CDK17: variants seen among roughly 807,000 people sequenced by gnomAD.
CDK17 encodes the protein cyclin-dependent kinase 17.
A neutral mutation model predicts 77.6 loss-of-function variants in CDK17; 24 were observed. The observed-to-expected ratio is 0.31, with a 90% CI of 0.22 to 0.44. The LOEUF is 0.44. Among genes scored for constraint, CDK17 ranks in the 20% least tolerant of loss-of-function variants. The pLI is 1.00. For synonymous variants in CDK17, 203 were observed against 210.4 expected, an observed-to-expected ratio of 0.96 and a Z score of 0.30; for missense variants, 429 against 622.5, an observed-to-expected ratio of 0.69 and a Z score of 3.31.
intron 1 of CDK17, among the ~76,000 whole-genome samples, chr12:96,341,899 G>A (rs1329562853): frequency 1.3e-5 from 2 of 152,096 alleles, no homozygotes; most frequent in Non-Finnish European, 2.9e-5. Context: ...TTATTAGAGT[G>A]GCAATCCACT....
At chr12:96,280,934 A>AT (rs1565800776) in intron 15 of CDK17, 49 bp from the exon 16 acceptor site, 1 of 1,420,882 alleles carries the variant, frequency 7.0e-7, no homozygotes, top group East Asian at 2.3e-5. Flanking sequence ...ACATTAAAAC[A>AT]AACACAACCC....
intron 2 of CDK17, among the ~76,000 whole-genome samples, chr12:96,329,275 T>C (rs1411152428): frequency 6.6e-6 from 1 of 152,204 alleles, no homozygotes; most frequent in African/African-American, 2.4e-5. Flanking sequence ...CTGTATACTA[T>C]AAAATGTTAA....
In CDK17 at chr12:96,282,511, T is replaced by G; in HGVS notation, c.1454A>C (p.Glu485Ala). ...AAACACTTTAGGATTTCTCTTACTT[T>G]CTGGTAAAGCATGTATTCTTGGTCC... ...SLGPRIHALP[E>A]SVSIFSLKEI... The change falls in exon 15 of 17, where the codon GAA becomes GCA. Residue 485 changes from glutamate (E) to alanine (A), a missense_variant and splice_region_variant. Physicochemically the swap from Glu to Ala is moderately radical, Grantham distance 107. This residue lies in a region of CDK17 where 115 missense variants were observed against 124.2 expected (regional missense o/e 0.93). Transcript: ENST00000261211. 6.3e-7 allele frequency: 1 copy of G among 1,595,394 alleles called. No homozygotes were observed. Among genetic ancestry groups the G allele is most frequent in the African/African-American group, 1.3e-5 (1 of 74,690 alleles).
At chr12:96,363,453 A>C (rs1361667502) in intron 1 of CDK17, among the ~76,000 whole-genome samples, 1 of 145,360 alleles carries the variant, frequency 6.9e-6, no homozygotes, top group Non-Finnish European at 1.5e-5. Flanking sequence ...TCGTCTCAAA[A>C]AAAAAAAAAA....
chr12:96,339,528 A>G (rs1264746980), intron 1 of CDK17, among the ~76,000 whole-genome samples: 3 of 151,916 alleles, frequency 2.0e-5, no homozygotes, highest in Non-Finnish European at 4.4e-5. Flanking sequence ...GAATTTTGCT[A>G]TGTGTATTTT....
At chr12:96,315,180 TATAA>T (rs1952694578) in intron 3 of CDK17, among the ~76,000 whole-genome samples, 1 of 152,238 alleles carries the variant, frequency 6.6e-6, no homozygotes. Flanking sequence ...ATTTTATAAG[TATAA>T]ATGTTAACTT....
At chr12:96,390,198 C>T (rs1592774200) in intron 1 of CDK17, among the ~76,000 whole-genome samples, 2 of 148,342 alleles carry the variant, frequency 1.3e-5, no homozygotes, top group East Asian at 4.0e-4. Flanking sequence ...GTCGCCCAGG[C>T]TGGAGTGCAG....
At chr12:96,353,313 C>T (rs1953340544) in intron 1 of CDK17, among the ~76,000 whole-genome samples, 1 of 152,156 alleles carries the variant, frequency 6.6e-6, no homozygotes, top group South Asian at 2.1e-4. Context: ...TATACGTCAT[C>T]TTTCTAAATG....
At chr12:96,299,472 C>A (rs980378801) in intron 6 of CDK17, among the ~76,000 whole-genome samples, 1 of 150,194 alleles carries the variant, frequency 6.7e-6, no homozygotes, top group African/African-American at 2.5e-5. Flanking sequence ...CTTGCTGTAA[C>A]CTCCACCTTC....
At chr12:96,341,318 T>TACACAC (rs10656968) in intron 1 of CDK17, among the ~76,000 whole-genome samples, 6,307 of 148,732 alleles carry the variant, frequency 0.042, 176 homozygotes, top group Non-Finnish European at 0.043. Context: ...ATCATATACA[T>TACACAC]ACACACACAC....
Position 96,279,512 on chromosome 12 carries a change from G to C in CDK17, c.*730C>G, listed in dbSNP as rs1259211096. The C allele has an allele frequency of 6.6e-6, 1 of 152,176 alleles. No individual in the cohort carries two copies. Among genetic ancestry groups the C allele is most frequent in the Non-Finnish European group, 1.5e-5 (1 of 68,006 alleles). 9.4% of individuals were successfully genotyped at this position (152,176 alleles called of 1,614,324 possible). ...AAATATCCAGTAATATGCAGTAGAC[G>C]TTTCTAAAGTGAGGAACACATAAAA... On this transcript the variant is annotated 3_prime_UTR_variant, in exon 17 of 17. Coordinates refer to ENST00000261211, the MANE Select transcript of CDK17 (RefSeq NM_002595.5).
intron 1 of CDK17, among the ~76,000 whole-genome samples, chr12:96,352,238 C>T (rs1953322655): frequency 6.6e-6 from 1 of 152,128 alleles, no homozygotes; most frequent in Non-Finnish European, 1.5e-5. Flanking sequence ...GGCGATGGGA[C>T]CACAGAATGC....
chr12:96,351,095 T>C (rs73229022), intron 1 of CDK17, among the ~76,000 whole-genome samples: 32,831 of 152,116 alleles, frequency 0.22, 4,421 homozygotes, highest in Middle Eastern at 0.33. Context: ...CTCAACATTA[T>C]TACTCATTGG....
chr12:96,382,156 T>C (rs1457862135), intron 1 of CDK17, among the ~76,000 whole-genome samples: 3 of 152,050 alleles, frequency 2.0e-5, no homozygotes, highest in African/African-American at 7.2e-5. Context: ...TGTTCAAGTT[T>C]GTCACAGCAC....
At chr12:96,351,620 C>T (rs1408015619) in intron 1 of CDK17, among the ~76,000 whole-genome samples, 1 of 152,190 alleles carries the variant, frequency 6.6e-6, no homozygotes, top group Non-Finnish European at 1.5e-5. Flanking sequence ...AAATTTCAAT[C>T]TTAATTGTCG....
chr12:96,308,229 TAAAAA>T (rs61572243), intron 5 of CDK17, among the ~76,000 whole-genome samples: 1 of 63,764 alleles, frequency 1.6e-5, no homozygotes, highest in Non-Finnish European at 3.1e-5. Context: ...ATGCCATCTC[TAAAAA>T]AAAAAAAAAA....
At chr12:96,332,167 A>C (rs1290033055) in intron 2 of CDK17, among the ~76,000 whole-genome samples, 1 of 152,180 alleles carries the variant, frequency 6.6e-6, no homozygotes, top group Admixed American at 6.5e-5. Context: ...TTTGTAGCCT[A>C]TAAGTAACAG....
rs146650046 is a variant in CDK17 at position 96,348,964 on chromosome 12, G to A, written c.-29-14099C>T. ...ACTTCTATAAGGCCAACATTACCCT[G>A]ACACCAAAGCCAAACAAAGACATCG... is the stretch of plus-strand genomic sequence containing the variant. On this transcript the variant is annotated intron_variant, in intron 1 of 16. Coordinates refer to ENST00000261211, the MANE Select transcript of CDK17 (RefSeq NM_002595.5). 2.2e-4 allele frequency among the ~76,000 whole-genome samples: 33 copies of A among 152,272 alleles called. No homozygotes were observed. The East Asian group carries it at 5.8e-3, about 27-fold the overall frequency.
intron 16 of CDK17, 161 bp from the exon 17 acceptor site, chr12:96,280,440 A>AT: frequency 7.0e-7 from 1 of 1,431,298 alleles, no homozygotes; most frequent in Non-Finnish European, 9.1e-7. Flanking sequence ...TGACGGGGTC[A>AT]GTCTACAGCT....
Sources: allele counts gnomAD v4.1 joint callset (sites outside exome capture counted in the v4.1 genomes callset), GRCh38; gene constraint gnomAD v4.1.1; regional missense constraint gnomAD v4.1.1; transcripts MANE v1.5; gene names NCBI Gene and HGNC (gene_info 2026-07-23, HGNC 2026-07-21).